Variants in CHODL observed in about 807,000 individuals in gnomAD.
CHODL encodes transmembrane protein MT75.
CHODL carries 29 observed loss-of-function variants against 34.5 expected under a neutral mutation model. The observed-to-expected ratio is 0.84, with a 90% CI of 0.63 to 1.15. The LOEUF (loss-of-function observed/expected upper bound fraction) is 1.15. Ranked by LOEUF, CHODL falls within the 50% of genes most tolerant of loss-of-function variation. CHODL has a pLI of 0.00. For synonymous variants in CHODL, 125 were observed against 116.1 expected (o/e 1.08, Z -0.49); for missense variants, 332 against 332.5 (o/e 1.00, Z 0.01).
intron 2 of CHODL, among the ~76,000 whole-genome samples, chr21:18,222,240 G>T (rs1474377306): frequency 6.6e-6 from 1 of 152,108 alleles, no homozygotes; most frequent in Non-Finnish European, 1.5e-5. Context: ...TCTATCCTGG[G>T]TTATAGGGTA....
At chr21:18,179,426 C>T (rs912692049) in intron 2 of CHODL, among the ~76,000 whole-genome samples, 1 of 152,202 alleles carries the variant, frequency 6.6e-6, no homozygotes, top group Non-Finnish European at 1.5e-5. Flanking sequence ...TTTGCTAGCA[C>T]CAACCTAAGC....
intron 2 of CHODL, among the ~76,000 whole-genome samples, chr21:18,062,139 C>T (rs571648116): frequency 1.5e-4 from 23 of 152,214 alleles, no homozygotes; most frequent in African/African-American, 3.9e-4. Context: ...GGATAAAGTA[C>T]GTGAGTTCAG....
chr21:18,096,711 TC>T (rs1162795701), intron 2 of CHODL, among the ~76,000 whole-genome samples: 11 of 152,194 alleles, frequency 7.2e-5, no homozygotes, highest in African/African-American at 2.7e-4. Flanking sequence ...ACATGAAACC[TC>T]ATCAGTAATT....
At chr21:18,235,903 C>G (rs367729416) in intron 2 of CHODL, among the ~76,000 whole-genome samples, 1 of 152,054 alleles carries the variant, frequency 6.6e-6, no homozygotes, top group Admixed American at 6.6e-5. Flanking sequence ...TAGTTTTCTA[C>G]CTTAGCATCA....
chr21:17,943,040 T>C (rs2063378357), intron 1 of CHODL, among the ~76,000 whole-genome samples: 1 of 152,210 alleles, frequency 6.6e-6, no homozygotes, highest in African/African-American at 2.4e-5. Flanking sequence ...TCCCCAGCCA[T>C]GCCCCTGGTA....
At chr21:18,166,616 T>C (rs1009098005) in intron 2 of CHODL, among the ~76,000 whole-genome samples, 2 of 152,182 alleles carry the variant, frequency 1.3e-5, no homozygotes, top group African/African-American at 4.8e-5. Flanking sequence ...CTGTCTGATA[T>C]AAAGGGTATC....
intron 2 of CHODL, among the ~76,000 whole-genome samples, chr21:18,232,942 GATAT>G (rs371388519): frequency 0.01 from 1,247 of 119,384 alleles, 20 homozygotes; most frequent in South Asian, 0.017. Flanking sequence ...ATGATGTTAT[GATAT>G]ATATATATAT....
rs200546138 is a variant in CHODL, at chr21:17,919,307, C to CA, written c.-145+1910dup. Among the ~76,000 whole-genome samples the CA allele has an allele frequency of 7.9e-3, 1,208 of 152,322 alleles. 18 individuals carry two copies. The highest frequency in any genetic ancestry group is 0.027 in the African/African-American group (1,120 of 41,558). On this transcript the variant is annotated intron_variant, in intron 1 of 6. Transcript: ENST00000400127. ...CTCCATGAGCACTCTGCCCCTGCAG[C>CA]AAACTTCTGCCCGGGCATCCAGGCA...
chr21:18,245,194 C>G lies in CHODL; in HGVS notation c.-30C>G. 1 of 1,512,352 alleles carries G rather than the reference C, an allele frequency of 6.6e-7. No homozygotes were observed. Among genetic ancestry groups the G allele is most frequent in the Admixed American group, 2.0e-5 (1 of 49,854 alleles). 93.7% of individuals were successfully genotyped at this position (1,512,352 alleles called of 1,614,324 possible). A position where few individuals can be genotyped will look rare whatever the true frequency, so the allele number is the denominator to read the frequency against. ...CTGGGCAGAGGCCGCCCTCGCTCCA[C>G]GCAACACCTGCTGCTGCCACCGCGC... is the stretch of plus-strand genomic sequence containing the variant. On this transcript the variant is annotated 5_prime_UTR_variant, in exon 1 of 6. Transcript: ENST00000299295.
chr21:18,176,517 A>T (rs1370431961), intron 2 of CHODL, among the ~76,000 whole-genome samples: 2 of 152,212 alleles, frequency 1.3e-5, no homozygotes, highest in African/African-American at 4.8e-5. Flanking sequence ...AACAAAATGT[A>T]CCATTGCCTC....
chr21:18,163,891 G>C (rs1449858945), intron 2 of CHODL, among the ~76,000 whole-genome samples: 2 of 152,020 alleles, frequency 1.3e-5, no homozygotes, highest in Non-Finnish European at 2.9e-5. Context: ...TCATTTTACT[G>C]ATCCCCAGTG....
intron 2 of CHODL, among the ~76,000 whole-genome samples, chr21:18,051,373 G>T (rs2064513516): frequency 1.3e-5 from 2 of 150,568 alleles, no homozygotes; most frequent in South Asian, 2.1e-4. Flanking sequence ...TTTAAATTAA[G>T]GTTTGACTAA....
intron 2 of CHODL, among the ~76,000 whole-genome samples, chr21:18,063,860 C>T (rs887385273): frequency 2.6e-5 from 4 of 152,046 alleles, no homozygotes; most frequent in African/African-American, 7.2e-5. Flanking sequence ...TCCTTTCTCT[C>T]ACTCACTCTC....
intron 2 of CHODL, among the ~76,000 whole-genome samples, chr21:18,207,317 G>A (rs1355587710): frequency 6.6e-6 from 1 of 152,020 alleles, no homozygotes; most frequent in African/African-American, 2.4e-5. Flanking sequence ...TGACAACACT[G>A]ATTGCATAAA....
intron 2 of CHODL, among the ~76,000 whole-genome samples, chr21:18,195,790 C>A (rs1601134378): frequency 6.6e-6 from 1 of 152,260 alleles, no homozygotes; most frequent in East Asian, 1.9e-4. Flanking sequence ...GTATTGTTCA[C>A]CACTGTATCC....
chr21:17,940,631 T>C (rs541326732), intron 1 of CHODL, among the ~76,000 whole-genome samples: 1 of 152,318 alleles, frequency 6.6e-6, no homozygotes, highest in South Asian at 2.1e-4. Flanking sequence ...GTATGTTAGT[T>C]TATAAAGCTA....
Position 18,266,179 on chromosome 21 carries a change from GTAATTTTTATATGTCTATTATTTCATT to G in CHODL, c.*145_*171del. The G allele has an allele frequency of 6.5e-7, 1 of 1,548,446 alleles. No individual in the cohort carries two copies. Among genetic ancestry groups the G allele is most frequent in the Non-Finnish European group, 8.7e-7 (1 of 1,144,566 alleles). ...GCTCCCCCTTGAGGCAAATATTAAA[GTAATTTTTATATGTCTATTATTTCATT>G]TAAAGAATATGCTGTGCTAATAATG... is the stretch of plus-strand genomic sequence containing the variant. On this transcript the variant is annotated 3_prime_UTR_variant, in exon 6 of 6. Transcript: ENST00000299295.
intron 5 of CHODL, among the ~76,000 whole-genome samples, chr21:18,265,221 A>G (rs1026668262): frequency 3.5e-5 from 5 of 143,530 alleles, no homozygotes; most frequent in Admixed American, 1.4e-4. Context: ...ATGTATGTGT[A>G]TATATATATG....
chr21:18,062,473 AGT>A (rs2064679787), intron 2 of CHODL, among the ~76,000 whole-genome samples: 1 of 151,730 alleles, frequency 6.6e-6, no homozygotes, highest in African/African-American at 2.4e-5. Context: ...CCTCTCTCAA[AGT>A]GTAGACATTG....
Sources: allele counts gnomAD v4.1 joint callset (sites outside exome capture counted in the v4.1 genomes callset), GRCh38; gene constraint gnomAD v4.1.1; transcripts MANE v1.5; gene names NCBI Gene and HGNC (gene_info 2026-07-23, HGNC 2026-07-21).